The following OSBPL9 variants were observed in gnomAD, a reference collection of about 807,000 sequenced individuals.
OSBPL9 encodes oxysterol-binding protein-related protein 9.
A neutral mutation model predicts 106.6 loss-of-function variants in OSBPL9; 40 were observed. The observed-to-expected ratio is 0.38, with a 90% CI of 0.29 to 0.49. OSBPL9 has a LOEUF of 0.49. Ranked by LOEUF, OSBPL9 falls within the 20% of genes least tolerant of loss-of-function variation. The pLI is 0.97. For missense variants in OSBPL9, 609 were observed against 887.2 expected (o/e 0.69, Z 3.98); for synonymous variants, 269 against 295.4 (o/e 0.91, Z 0.92).
chr1:51,765,347 AAT>A (rs1348647799), intron 11 of OSBPL9, among the ~76,000 whole-genome samples: 1 of 152,238 alleles, frequency 6.6e-6, no homozygotes, highest in African/African-American at 2.4e-5. Context: ...ATTGCCAAAA[AAT>A]ATTGAATGAT....
intron 1 of OSBPL9, among the ~76,000 whole-genome samples, chr1:51,596,664 C>T (rs1290046619): frequency 6.6e-6 from 1 of 151,484 alleles, no homozygotes; most frequent in East Asian, 1.9e-4. Context: ...CCTGTAATCC[C>T]AGCTATTCAG....
intron 11 of OSBPL9, among the ~76,000 whole-genome samples, chr1:51,762,187 A>T (rs922223241): frequency 4.6e-5 from 7 of 152,130 alleles, no homozygotes; most frequent in Admixed American, 2.0e-4. Flanking sequence ...TTAAGTTTTT[A>T]AAATTTTTAT....
intron 1 of OSBPL9, among the ~76,000 whole-genome samples, chr1:51,593,814 AT>A (rs1645287629): frequency 6.6e-6 from 1 of 151,840 alleles, no homozygotes; most frequent in African/African-American, 2.4e-5. Context: ...TTATCCAGGG[AT>A]CCATGGTGGA....
chr1:51,568,937 T>A, the OSBPL9 span, among the ~76,000 whole-genome samples: 1 of 152,080 alleles, frequency 6.6e-6, no homozygotes. Flanking sequence ...GCTCTCGAAC[T>A]CCTGACCTCA....
At position 51,596,507 on chromosome 1, in the gene OSBPL9, C is replaced by T. The variant is rs547905012; in HGVS notation, c.-422-1617C>T. 1.8e-4 allele frequency among the ~76,000 whole-genome samples: 25 copies of T among 138,530 alleles called. No homozygotes were observed. The East Asian group carries it at 2.1e-3, about 12-fold the overall frequency. The allele number at this position is 138,530 out of a possible 152,430, so 90.9% of individuals were successfully genotyped here. ...CCAGGAGGTGGAGGTTGCAGCGAGC[C>T]GAGAGCACGCCACTGCACTCCAGCC... On this transcript the variant is annotated intron_variant, in intron 1 of 25. Transcript: ENST00000371714.
chr1:51,782,257 G>C (rs755595506), intron 16 of OSBPL9, among the ~76,000 whole-genome samples: 1 of 152,110 alleles, frequency 6.6e-6, no homozygotes, highest in Non-Finnish European at 1.5e-5. Flanking sequence ...GATGCACTAC[G>C]TATAGTCCAT....
intron 1 of OSBPL9, among the ~76,000 whole-genome samples, chr1:51,597,387 G>A (rs989470194): frequency 1.3e-5 from 2 of 150,948 alleles, no homozygotes; most frequent in Non-Finnish European, 2.9e-5. Flanking sequence ...GCATCAATCA[G>A]AGTCCTATGG....
the OSBPL9 span, among the ~76,000 whole-genome samples, chr1:51,572,038 G>A: frequency 7.2e-5 from 11 of 152,108 alleles, no homozygotes; most frequent in African/African-American, 4.8e-5. Flanking sequence ...GGGTCACACC[G>A]TCTCCAATTT....
chr1:51,761,387 C>T (rs116334368), intron 10 of OSBPL9, among the ~76,000 whole-genome samples: 5 of 151,694 alleles, frequency 3.3e-5, no homozygotes, highest in Non-Finnish European at 7.4e-5. Context: ...TCTATGTTCT[C>T]GATGGCATAG....
the OSBPL9 span, among the ~76,000 whole-genome samples, chr1:51,558,223 T>G: frequency 6.6e-6 from 1 of 151,714 alleles, no homozygotes; most frequent in South Asian, 2.1e-4. Flanking sequence ...GAGCTTGCAG[T>G]GAGCCAAGAT....
chr1:51,679,485 T>A (rs1046159548), intron 3 of OSBPL9, among the ~76,000 whole-genome samples: 2 of 152,242 alleles, frequency 1.3e-5, no homozygotes, highest in South Asian at 4.1e-4. Context: ...TATTTCCTTC[T>A]GATCCTTCAG....
the OSBPL9 span, among the ~76,000 whole-genome samples, chr1:51,570,654 G>A: frequency 6.6e-6 from 1 of 152,190 alleles, no homozygotes; most frequent in Non-Finnish European, 1.5e-5. Flanking sequence ...CAGCTTACTG[G>A]TTAGGGCTCT....
the OSBPL9 span, among the ~76,000 whole-genome samples, chr1:51,559,388 G>A: frequency 6.6e-6 from 1 of 151,868 alleles, no homozygotes; most frequent in Admixed American, 6.6e-5. Context: ...TGTCAGCATT[G>A]TGCAGAATTC....
intron 4 of OSBPL9, among the ~76,000 whole-genome samples, chr1:51,734,835 C>G (rs187067551): frequency 8.5e-5 from 13 of 152,268 alleles, no homozygotes; most frequent in Admixed American, 2.0e-4. Context: ...CCTTTCCCCC[C>G]CAAACCCTAG....
intron 1 of OSBPL9, among the ~76,000 whole-genome samples, chr1:51,581,999 T>C (rs543352632): frequency 2.0e-5 from 3 of 152,330 alleles, no homozygotes; most frequent in African/African-American, 2.4e-5. Flanking sequence ...GGAGGCCTAG[T>C]TCCTTTTATT....
chr1:51,527,794 A>C, the OSBPL9 span, among the ~76,000 whole-genome samples: 4 of 152,004 alleles, frequency 2.6e-5, no homozygotes, highest in African/African-American at 9.7e-5. Flanking sequence ...CAGGAAGGAA[A>C]ATAAAAATCC....
At chr1:51,544,836 G>GATT in the OSBPL9 span, among the ~76,000 whole-genome samples, 1 of 126,688 alleles carries the variant, frequency 7.9e-6, no homozygotes, top group Non-Finnish European at 1.7e-5. Flanking sequence ...TAAGAGACAT[G>GATT]CTTTTTTTTT....
chr1:51,738,439 A>G (rs1044443510), intron 4 of OSBPL9, among the ~76,000 whole-genome samples: 1 of 152,040 alleles, frequency 6.6e-6, no homozygotes, highest in Admixed American at 6.6e-5. Context: ...GCACTAACAT[A>G]TGTTCAAAAA....
intron 3 of OSBPL9, among the ~76,000 whole-genome samples, chr1:51,712,239 C>T (rs1177929750): frequency 6.6e-6 from 1 of 152,234 alleles, no homozygotes; most frequent in Non-Finnish European, 1.5e-5. Flanking sequence ...AGCGAAACCC[C>T]GTCTCCACCA....
Sources: allele counts gnomAD v4.1 joint callset (sites outside exome capture counted in the v4.1 genomes callset), GRCh38; gene constraint gnomAD v4.1.1; transcripts MANE v1.5; gene names NCBI Gene and HGNC (gene_info 2026-07-23, HGNC 2026-07-21).